PTP4A1: variants seen among roughly 807,000 people sequenced by gnomAD.
PTP4A1 encodes protein tyrosine phosphatase 4A1.
Under a neutral mutation model 20.5 loss-of-function variants are expected in PTP4A1, and 9 were observed. The observed-to-expected ratio is 0.44, with a 90% CI of 0.26 to 0.77. The LOEUF (loss-of-function observed/expected upper bound fraction) is 0.77. Ranked by LOEUF, PTP4A1 falls within the 30% of genes least tolerant of loss-of-function variation. The pLI, the probability that PTP4A1 is intolerant of heterozygous loss-of-function variation, is 0.19. For synonymous variants in PTP4A1, 78 were observed against 67.4 expected (o/e 1.16, Z -0.77); for missense variants, 137 against 218.8 (o/e 0.63, Z 2.36).
chr6:63,540,522 G>A (rs1470532518), intron 2 of PTP4A1, among the ~76,000 whole-genome samples: 2 of 152,098 alleles, frequency 1.3e-5, no homozygotes, highest in Non-Finnish European at 2.9e-5. Flanking sequence ...TCAAGAGGCT[G>A]AGGCATGAGA....
chr6:63,569,950 A>C (rs1777348990), upstream of PTP4A1, among the ~76,000 whole-genome samples: 1 of 152,198 alleles, frequency 6.6e-6, no homozygotes, highest in South Asian at 2.1e-4. Flanking sequence ...GTTCTCCAAG[A>C]ATCTGCAGCT....
chr6:63,548,809 G>T, intron 2 of PTP4A1: 1 of 738,352 alleles, frequency 1.4e-6, no homozygotes, highest in South Asian at 1.4e-5. Context: ...CAGTGACGGC[G>T]GATCTCATTG....
At chr6:63,549,716 A>G (rs1036918224) in intron 2 of PTP4A1, among the ~76,000 whole-genome samples, 1 of 152,192 alleles carries the variant, frequency 6.6e-6, no homozygotes. Flanking sequence ...CCTAAAGTTA[A>G]ACACAGATTG....
chr6:63,533,690 G>A (rs1775573523), intron 2 of PTP4A1, among the ~76,000 whole-genome samples: 1 of 152,086 alleles, frequency 6.6e-6, no homozygotes, highest in Non-Finnish European at 1.5e-5. Context: ...GACAGGATTA[G>A]AATTCTAAAT....
intron 5 of PTP4A1, 68 bp from the exon 6 acceptor site, chr6:63,579,989 T>C (rs1581951889): frequency 1.7e-6 from 2 of 1,162,734 alleles, no homozygotes; most frequent in East Asian, 4.7e-5. Context: ...GATGGTTGTC[T>C]ATAAGACACT....
intron 3 of PTP4A1, among the ~76,000 whole-genome samples, chr6:63,552,427 G>A (rs1247726483): frequency 9.2e-5 from 14 of 152,150 alleles, no homozygotes. Context: ...GTAGATTCTA[G>A]ATATTAGCCC....
intron 2 of PTP4A1, among the ~76,000 whole-genome samples, chr6:63,533,926 C>A (rs748990374): frequency 8.0e-5 from 12 of 149,500 alleles, no homozygotes; most frequent in African/African-American, 1.2e-4. Context: ...TCATTACAAC[C>A]TCTGCCTCCT....
At chr6:63,541,414 A>T (rs1343244162) in intron 2 of PTP4A1, among the ~76,000 whole-genome samples, 2 of 152,012 alleles carry the variant, frequency 1.3e-5, no homozygotes, top group African/African-American at 4.8e-5. Flanking sequence ...ATAGCCAGGC[A>T]TAGTGGCAGG....
At position 63,564,507 on chromosome 6, in the gene PTP4A1, C is replaced by T. The variant is rs138549262; in HGVS notation, c.-445-11929C>T. On this transcript the variant is annotated intron_variant, in intron 3 of 3. Transcript: ENST00000639568. ...AGGAAATTGTTCAACAACATTTCTC[C>T]TTATGTAAGGCCTGCCCCAGTAATG... 3.9e-3 allele frequency among the ~76,000 whole-genome samples: 592 copies of T among 152,226 alleles called. 6 individuals are homozygous for T. The highest frequency in any genetic ancestry group is 0.013 in the African/African-American group (559 of 41,518).
rs942486267 is a variant in PTP4A1 at position 63,572,517 on chromosome 6, G to A, written c.-648G>A. ...GTATTGGCTCCTTCGGCTGCGGGCC[G>A]GCTCGGCTACGCGCTCTGCTCCGAG... is the stretch of plus-strand genomic sequence containing the variant. On this transcript the variant is annotated 5_prime_UTR_variant, in exon 1 of 6. Coordinates refer to ENST00000626021, the MANE Select transcript of PTP4A1 (RefSeq NM_003463.5). The A allele has an allele frequency of 7.7e-6, 3 of 391,210 alleles. No individual in the cohort carries two copies. The highest frequency in any genetic ancestry group is 1.4e-5 in the Non-Finnish European group (3 of 221,350). 24.2% of individuals were successfully genotyped at this position (391,210 alleles called of 1,614,324 possible). A position where few individuals can be genotyped will look rare whatever the true frequency, so the allele number is the denominator to read the frequency against.
chr6:63,536,426 A>G (rs1416482808), intron 2 of PTP4A1, among the ~76,000 whole-genome samples: 1 of 152,228 alleles, frequency 6.6e-6, no homozygotes, highest in Non-Finnish European at 1.5e-5. Flanking sequence ...TTGAAAACCA[A>G]TCACAAAAGT....
At chr6:63,519,704 G>A (rs1241596740), upstream of PTP4A1, among the ~76,000 whole-genome samples, 1 of 152,160 alleles carries the variant, frequency 6.6e-6, no homozygotes, top group Non-Finnish European at 1.5e-5. Context: ...TCCAGAAAAG[G>A]TATTAAGCAA....
chr6:63,557,771 G>A (rs1776752510), intron 3 of PTP4A1, among the ~76,000 whole-genome samples: 1 of 152,094 alleles, frequency 6.6e-6, no homozygotes, highest in Admixed American at 6.6e-5. Flanking sequence ...ATCTTGAAGG[G>A]TCTTAAATAT....
chr6:63,545,697 A>C (rs1776153159), intron 2 of PTP4A1, among the ~76,000 whole-genome samples: 1 of 152,224 alleles, frequency 6.6e-6, no homozygotes, highest in Non-Finnish European at 1.5e-5. Flanking sequence ...TTTCTCAATA[A>C]GGCCTGTTTC....
intron 2 of PTP4A1, among the ~76,000 whole-genome samples, chr6:63,532,243 C>A (rs1008648450): frequency 3.9e-5 from 6 of 152,228 alleles, no homozygotes; most frequent in Non-Finnish European, 8.8e-5. Context: ...TCTAGTGTCA[C>A]AATTTATTAT....
intron 1 of PTP4A1, among the ~76,000 whole-genome samples, chr6:63,523,156 G>A (rs55838890): frequency 3.3e-5 from 5 of 152,042 alleles, no homozygotes; most frequent in Admixed American, 1.3e-4. Flanking sequence ...ACGAGCCATA[G>A]TACCCAGCCG....
At chr6:63,557,394 T>C (rs1470202707) in intron 3 of PTP4A1, among the ~76,000 whole-genome samples, 1 of 152,006 alleles carries the variant, frequency 6.6e-6, no homozygotes, top group Non-Finnish European at 1.5e-5. Flanking sequence ...GGTGAAACCC[T>C]GTCTCTACTA....
chr6:63,579,421 AT>A, intron 5 of PTP4A1, 90 bp downstream of exon 5: 1 of 894,078 alleles, frequency 1.1e-6, no homozygotes, highest in Non-Finnish European at 1.6e-6. Context: ...CCATTTAATC[AT>A]TATGATTATT....
chr6:63,579,717 A>C (rs1384809352), intron 5 of PTP4A1, among the ~76,000 whole-genome samples: 2 of 152,194 alleles, frequency 1.3e-5, no homozygotes, highest in Non-Finnish European at 2.9e-5. Flanking sequence ...AGTGCTGTAG[A>C]ACATGCCTTT....
Sources: gnomAD v4.1 joint callset for allele counts (sites outside exome capture counted in the v4.1 genomes callset) on GRCh38, gnomAD v4.1.1 for gene constraint, MANE v1.5 for transcripts, NCBI Gene and HGNC (gene_info 2026-07-23, HGNC 2026-07-21) for gene names.